PTPRT: variants seen among roughly 807,000 people sequenced by gnomAD.
The protein encoded by PTPRT is protein tyrosine phosphatase receptor type T.
In PTPRT, 56 loss-of-function variants were observed where a neutral mutation model predicts 176.8. The observed-to-expected ratio is 0.32, with a 90% CI of 0.26 to 0.40. The LOEUF is 0.40. Among genes scored for constraint, PTPRT ranks in the 10% least tolerant of loss-of-function variants. The pLI, the probability that PTPRT is intolerant of heterozygous loss-of-function variation, is 1.00. For missense variants in PTPRT, 1,540 were observed against 1,908.2 expected (o/e 0.81, Z 3.60); for synonymous variants, 783 against 739.0 (o/e 1.06, Z -0.96).
At chr20:42,869,761 TGGA>T (rs1032937955) in intron 2 of PTPRT, among the ~76,000 whole-genome samples, 2 of 152,230 alleles carry the variant, frequency 1.3e-5, no homozygotes, top group African/African-American at 2.4e-5. Flanking sequence ...TTGGGGCATC[TGGA>T]GGAGAACGCT....
chr20:42,827,544 C>T (rs751897720), intron 2 of PTPRT, among the ~76,000 whole-genome samples: 1 of 152,188 alleles, frequency 6.6e-6, no homozygotes, highest in Non-Finnish European at 1.5e-5. Flanking sequence ...CTCTGGGATA[C>T]AGCTAAGGCA....
intron 11 of PTPRT, among the ~76,000 whole-genome samples, chr20:42,341,080 C>T (rs546104745): frequency 2.6e-5 from 4 of 152,162 alleles, no homozygotes; most frequent in African/African-American, 9.6e-5. Flanking sequence ...GTGGTCACAC[C>T]GAGAGCCATC....
chr20:42,491,902 T>A (rs1297389493), intron 7 of PTPRT, among the ~76,000 whole-genome samples: 2 of 152,190 alleles, frequency 1.3e-5, no homozygotes, highest in Non-Finnish European at 2.9e-5. Flanking sequence ...AATTTTTTTA[T>A]CATTTCATAA....
At chr20:42,222,051 G>T (rs562367318) in intron 15 of PTPRT, among the ~76,000 whole-genome samples, 1 of 152,212 alleles carries the variant, frequency 6.6e-6, no homozygotes, top group South Asian at 2.1e-4. Context: ...GCTAGCTTTG[G>T]ACCCTTTCAT....
the PTPRT span, among the ~76,000 whole-genome samples, chr20:42,052,797 C>T: frequency 2.6e-5 from 4 of 152,104 alleles, no homozygotes; most frequent in African/African-American, 9.7e-5. Flanking sequence ...GGCTGGAGCT[C>T]CCTTGCTTTC....
At chr20:42,297,427 G>A (rs1600798902) in intron 12 of PTPRT, among the ~76,000 whole-genome samples, 1 of 152,100 alleles carries the variant, frequency 6.6e-6, no homozygotes, top group South Asian at 2.1e-4. Flanking sequence ...CTTATCTCAG[G>A]TAAGATAATT....
chr20:42,229,502 C>T (rs1022268079), intron 15 of PTPRT, among the ~76,000 whole-genome samples: 7 of 152,140 alleles, frequency 4.6e-5, no homozygotes, highest in African/African-American at 1.7e-4. Flanking sequence ...TTGAGTATCT[C>T]TTGATGGAAT....
chr20:42,082,178 C>A (rs758365107), intron 29 of PTPRT, among the ~76,000 whole-genome samples, 161 bp from the exon 30 acceptor site: 1 of 152,222 alleles, frequency 6.6e-6, no homozygotes, highest in African/African-American at 2.4e-5. Context: ...TGGTTTGAGT[C>A]CCATCTGTGC....
intron 1 of PTPRT, among the ~76,000 whole-genome samples, chr20:43,067,578 G>C (rs1490673781): frequency 6.6e-6 from 1 of 152,130 alleles, no homozygotes; most frequent in African/African-American, 2.4e-5. Flanking sequence ...TATGATCTGA[G>C]ATGTACTTTC....
chr20:42,414,512 C>T (rs1312652082), intron 9 of PTPRT, among the ~76,000 whole-genome samples: 6 of 152,258 alleles, frequency 3.9e-5, no homozygotes, highest in African/African-American at 1.4e-4. Context: ...AGCTGAAAAA[C>T]TATTAGAAAA....
chr20:42,844,430 T>G (rs1015871599), intron 2 of PTPRT, among the ~76,000 whole-genome samples: 1 of 152,086 alleles, frequency 6.6e-6, no homozygotes, highest in Non-Finnish European at 1.5e-5. Context: ...AATTAAGGGG[T>G]CCTTTCTATG....
intron 7 of PTPRT, among the ~76,000 whole-genome samples, chr20:42,574,248 C>A (rs1005289129): frequency 2.6e-5 from 4 of 152,142 alleles, no homozygotes; most frequent in Admixed American, 6.5e-5. Context: ...CTTTAACTGG[C>A]AATTCCCTGC....
At chr20:42,820,936 A>C (rs1406618010) in intron 2 of PTPRT, among the ~76,000 whole-genome samples, 17 of 152,184 alleles carry the variant, frequency 1.1e-4, no homozygotes, top group Admixed American at 1.0e-3. Context: ...CTACCAACCA[A>C]AAAAGGCTCA....
chr20:42,668,858 ATTTT>A (rs755121515), intron 7 of PTPRT, among the ~76,000 whole-genome samples: 18 of 81,290 alleles, frequency 2.2e-4, no homozygotes, highest in African/African-American at 8.4e-4. Flanking sequence ...CGCCCAGCTA[ATTTT>A]TTTTTTTTTT....
At chr20:43,103,886 A>G (rs909298958) in intron 1 of PTPRT, among the ~76,000 whole-genome samples, 1 of 152,170 alleles carries the variant, frequency 6.6e-6, no homozygotes, top group Non-Finnish European at 1.5e-5. Flanking sequence ...AGGAAATAAC[A>G]TCTACCGCAA....
chr20:42,963,298 A>T (rs1982109057), intron 1 of PTPRT, among the ~76,000 whole-genome samples: 2 of 152,126 alleles, frequency 1.3e-5, no homozygotes, highest in Non-Finnish European at 1.5e-5. Flanking sequence ...AGGCAGGATA[A>T]TCGCTTGAAC....
At chr20:42,869,903 A>G (rs2078815831) in intron 2 of PTPRT, among the ~76,000 whole-genome samples, 1 of 152,226 alleles carries the variant, frequency 6.6e-6, no homozygotes, top group Non-Finnish European at 1.5e-5. Flanking sequence ...GAATGGGAAT[A>G]GCAACATTAT....
intron 13 of PTPRT, among the ~76,000 whole-genome samples, chr20:42,261,725 G>A (rs1054327844): frequency 1.1e-4 from 16 of 152,148 alleles, no homozygotes; most frequent in Non-Finnish European, 2.4e-4. Context: ...GGGTGCACCA[G>A]AGGCCGAGGC....
intron 1 of PTPRT, among the ~76,000 whole-genome samples, chr20:43,030,532 A>G (rs969591451): frequency 2.0e-5 from 3 of 152,110 alleles, no homozygotes; most frequent in African/African-American, 7.2e-5. Flanking sequence ...GGCATAAGCC[A>G]TGTTGTGAAT....
Sources: allele counts gnomAD v4.1 joint callset (sites outside exome capture counted in the v4.1 genomes callset), GRCh38; gene constraint gnomAD v4.1.1; transcripts MANE v1.5; gene names NCBI Gene and HGNC (gene_info 2026-07-23, HGNC 2026-07-21).